Variants in TRPM3 observed in about 807,000 individuals in gnomAD.
TRPM3 encodes long transient receptor potential channel 3.
TRPM3 carries 77 observed loss-of-function variants against 181.2 expected under a neutral mutation model. The observed-to-expected ratio is 0.42, with a 90% confidence interval of 0.35 to 0.51. TRPM3 has a LOEUF of 0.51. TRPM3 is among the 20% of genes least tolerant of loss of function. The pLI, the probability that TRPM3 is intolerant of heterozygous loss-of-function variation, is 0.01. For missense variants in TRPM3, 1,759 were observed against 2,196.7 expected (o/e 0.80, Z 3.98); for synonymous variants, 745 against 796.4 (o/e 0.94, Z 1.09).
At chr9:70,937,383 T>C (rs1360109104) in intron 1 of TRPM3, among the ~76,000 whole-genome samples, 4 of 152,180 alleles carry the variant, frequency 2.6e-5, no homozygotes, top group African/African-American at 7.2e-5. Flanking sequence ...TGATTCTAAA[T>C]GCAGTCTTTT....
At chr9:70,545,548 C>CCTTTTTTTTTTT (rs1554733807) in intron 25 of TRPM3, among the ~76,000 whole-genome samples, 1 of 113,352 alleles carries the variant, frequency 8.8e-6, no homozygotes, top group African/African-American at 3.2e-5. Context: ...AATTTTCTTT[C>CCTTTTTTTTTTT]TTTTTTTTTT....
chr9:70,772,166 T>G (rs1023205531), intron 7 of TRPM3, among the ~76,000 whole-genome samples: 2 of 152,168 alleles, frequency 1.3e-5, no homozygotes, highest in Admixed American at 1.3e-4. Context: ...TGTTATCCAA[T>G]ATGGTAGCTG....
chr9:70,626,153 A>T (rs1456017221), intron 12 of TRPM3, among the ~76,000 whole-genome samples: 3 of 152,036 alleles, frequency 2.0e-5, no homozygotes, highest in Non-Finnish European at 4.4e-5. Flanking sequence ...AATAGTAAAG[A>T]TTTTCTTATT....
intron 8 of TRPM3, chr9:70,760,777 G>A (rs1246295932): frequency 1.3e-5 from 2 of 151,774 alleles, no homozygotes; most frequent in South Asian, 2.1e-4. Flanking sequence ...CAGAGTGGGT[G>A]ATCCACTGCA....
At chr9:70,807,644 A>G (rs962847194) in intron 6 of TRPM3, among the ~76,000 whole-genome samples, 6 of 152,228 alleles carry the variant, frequency 3.9e-5, no homozygotes, top group African/African-American at 1.2e-4. Flanking sequence ...TTTCAGAATG[A>G]CCACAATGAA....
intron 21 of TRPM3, among the ~76,000 whole-genome samples, chr9:70,593,149 G>A (rs2132560822): frequency 6.6e-6 from 1 of 152,304 alleles, no homozygotes; most frequent in South Asian, 2.1e-4. Flanking sequence ...CATCTCACAA[G>A]TGTTGCATGA....
intron 1 of TRPM3, among the ~76,000 whole-genome samples, chr9:71,402,383 T>C (rs1459893069): frequency 1.3e-5 from 2 of 152,204 alleles, no homozygotes; most frequent in South Asian, 4.1e-4. Flanking sequence ...CTCCTCGAGA[T>C]AAATTCTTCT....
chr9:71,107,429 A>G (rs901900984), intron 1 of TRPM3, among the ~76,000 whole-genome samples: 1 of 152,080 alleles, frequency 6.6e-6, no homozygotes, highest in Non-Finnish European at 1.5e-5. Context: ...TGGTGTTTCT[A>G]TCCCTGCTCA....
Position 70,688,118 on chromosome 9 carries a change from T to A in TRPM3, c.1273-6540A>T, listed in dbSNP as rs187760221. 2.1e-3 allele frequency among the ~76,000 whole-genome samples: 320 copies of A among 152,250 alleles called. 2 individuals carry two copies. Among genetic ancestry groups the A allele is most frequent in the African/African-American group, 7.2e-3 (299 of 41,544 alleles). ...TTTTTGCTAGTCTTCTTGATTCTGG[T>A]CCTGTCCATCCCTCCTTTCATTCTA... On this transcript the variant is annotated intron_variant, in intron 8 of 25. Coordinates refer to ENST00000677713, the MANE Select transcript of TRPM3 (RefSeq NM_001366145.2).
intron 22 of TRPM3, among the ~76,000 whole-genome samples, chr9:70,565,794 G>A (rs2050431918): frequency 6.6e-6 from 1 of 152,198 alleles, no homozygotes; most frequent in African/African-American, 2.4e-5. Context: ...ACCTTGGGTA[G>A]GTTCAGATTG....
chr9:70,865,126 G>GA lies in TRPM3; in HGVS notation c.178-616dup, dbSNP rs755022785. Among the ~76,000 whole-genome samples the GA allele has an allele frequency of 2.6e-5, 4 of 152,044 alleles. No individual in the cohort carries two copies. The East Asian group carries it at 7.8e-4, about 30-fold the overall frequency. ...CAAAATTTTACAGGTAATGCCTTTG[G>GA]AAAAAAGTAAGATAGCACATTTTTT... is the stretch of plus-strand genomic sequence containing the variant. On this transcript the variant is annotated intron_variant, in intron 1 of 25. Coordinates refer to ENST00000677713, the MANE Select transcript of TRPM3 (RefSeq NM_001366145.2).
At chr9:71,241,495 G>A (rs1348841202) in intron 1 of TRPM3, among the ~76,000 whole-genome samples, 5 of 133,176 alleles carry the variant, frequency 3.8e-5, no homozygotes, top group East Asian at 5.3e-4. Flanking sequence ...GGGGCCTGCC[G>A]TGGGGTGGGG....
chr9:71,242,641 C>T (rs2081779219), intron 1 of TRPM3, among the ~76,000 whole-genome samples: 1 of 152,150 alleles, frequency 6.6e-6, no homozygotes, highest in Non-Finnish European at 1.5e-5. Context: ...ATTAGTACTA[C>T]TCCCATTACT....
At chr9:71,160,546 A>G (rs940519938) in intron 1 of TRPM3, among the ~76,000 whole-genome samples, 4 of 152,048 alleles carry the variant, frequency 2.6e-5, no homozygotes, top group Non-Finnish European at 5.9e-5. Context: ...TCTAATCTCA[A>G]TGTTTTTGCT....
intron 1 of TRPM3, among the ~76,000 whole-genome samples, chr9:71,032,867 C>T (rs140760084): frequency 1.2e-4 from 19 of 152,316 alleles, no homozygotes; most frequent in African/African-American, 3.6e-4. Flanking sequence ...GATTAAATGT[C>T]ACCTTTCTTT....
intron 1 of TRPM3, among the ~76,000 whole-genome samples, chr9:70,993,469 G>C (rs758009213): frequency 5.9e-5 from 9 of 152,126 alleles, no homozygotes; most frequent in Non-Finnish European, 1.0e-4. Context: ...CTTTAGCATT[G>C]GATGATCCTC....
chr9:70,540,208 T>C (rs2042933448), intron 25 of TRPM3, among the ~76,000 whole-genome samples: 1 of 152,212 alleles, frequency 6.6e-6, no homozygotes, highest in Admixed American at 6.5e-5. Context: ...TGCATTTCTG[T>C]AGCACGAGAT....
intron 1 of TRPM3, among the ~76,000 whole-genome samples, chr9:71,331,497 A>C (rs2090108051): frequency 6.6e-6 from 1 of 151,832 alleles, no homozygotes; most frequent in South Asian, 2.1e-4. Flanking sequence ...TCTATGTAAA[A>C]CATAATTATT....
At chr9:71,064,935 T>C (rs2061732357) in intron 1 of TRPM3, among the ~76,000 whole-genome samples, 1 of 152,150 alleles carries the variant, frequency 6.6e-6, no homozygotes, top group Non-Finnish European at 1.5e-5. Context: ...ACATTCCAGT[T>C]ATTCAAAAAG....
Sources: allele counts gnomAD v4.1 joint callset (sites outside exome capture counted in the v4.1 genomes callset), GRCh38; gene constraint gnomAD v4.1.1; transcripts MANE v1.5; gene names NCBI Gene and HGNC (gene_info 2026-07-23, HGNC 2026-07-21).